CBFA2T2: variants seen among roughly 807,000 people sequenced by gnomAD.
CBFA2T2 encodes protein CBFA2T2.
CBFA2T2 carries 11 observed loss-of-function variants against 62.2 expected under a neutral mutation model. The observed-to-expected ratio is 0.18, with a 90% CI of 0.11 to 0.29. CBFA2T2 has a LOEUF of 0.29. Among genes scored for constraint, CBFA2T2 ranks in the 10% least tolerant of loss-of-function variants. The pLI is 1.00. For synonymous variants in CBFA2T2, 295 were observed against 287.5 expected (o/e 1.03, Z -0.27); for missense variants, 592 against 774.1 (o/e 0.76, Z 2.79).
chr20:33,623,790 A>C (rs1443999318), intron 5 of CBFA2T2: 1 of 713,984 alleles, frequency 1.4e-6, no homozygotes, highest in African/African-American at 1.8e-5. Flanking sequence ...ATACATCTAA[A>C]ATCTATGGGA....
At chr20:33,500,120 G>C (rs931812079) in intron 1 of CBFA2T2, among the ~76,000 whole-genome samples, 1 of 151,820 alleles carries the variant, frequency 6.6e-6, no homozygotes, top group African/African-American at 2.4e-5. Flanking sequence ...ACCACACCCG[G>C]CTAATTTTTG....
intron 1 of CBFA2T2, among the ~76,000 whole-genome samples, chr20:33,605,450 C>CA (rs1005799324): frequency 6.6e-6 from 1 of 152,168 alleles, no homozygotes; most frequent in African/African-American, 2.4e-5. Flanking sequence ...GTATTATTAA[C>CA]TAAGTATGTA....
At chr20:33,641,585 T>C (rs2016840138) in intron 10 of CBFA2T2, among the ~76,000 whole-genome samples, 1 of 152,214 alleles carries the variant, frequency 6.6e-6, no homozygotes, top group South Asian at 2.1e-4. Flanking sequence ...ACCGGCTGTC[T>C]TTGGGACATT....
chr20:33,505,110 C>T (rs1197659734), intron 1 of CBFA2T2, among the ~76,000 whole-genome samples: 6 of 152,160 alleles, frequency 3.9e-5, no homozygotes, highest in Admixed American at 6.5e-5. Context: ...GAGATTGGTT[C>T]GGGTAATCAG....
At chr20:33,570,780 A>G (rs2013530981) in intron 1 of CBFA2T2, among the ~76,000 whole-genome samples, 1 of 152,064 alleles carries the variant, frequency 6.6e-6, no homozygotes, top group African/African-American at 2.4e-5. Flanking sequence ...TGTGAGACTC[A>G]TTTTCTTTTC....
chr20:33,623,974 G>T (rs1233582854), intron 5 of CBFA2T2: 23 of 558,260 alleles, frequency 4.1e-5, no homozygotes, highest in Non-Finnish European at 6.8e-5. Flanking sequence ...AAAAAGAAAA[G>T]AAAAGAAAAA....
intron 1 of CBFA2T2, among the ~76,000 whole-genome samples, chr20:33,588,629 A>G (rs190875323): frequency 6.6e-5 from 10 of 152,312 alleles, no homozygotes; most frequent in African/African-American, 1.9e-4. Context: ...TGATCACACA[A>G]TGGCAAGGAT....
chr20:33,535,613 TTTATTTTTTC>T (rs1399944800), intron 1 of CBFA2T2, among the ~76,000 whole-genome samples: 144 of 146,878 alleles, frequency 9.8e-4, no homozygotes, highest in African/African-American at 3.3e-3. Flanking sequence ...TTTTTATTTT[TTTATTTTTTC>T]TTTTTTTTTT....
rs564588599 is a variant in CBFA2T2, at chr20:33,494,744, A to G, written c.34+4443A>G. On this transcript the variant is annotated intron_variant, in intron 1 of 10. Transcript: ENST00000342704. The stretch of plus-strand genomic sequence containing the variant: ...CTTCCAAATAGCTGGGATTACAGGC[A>G]TGCACCACCACACCCAGCTAATTTT... 3.6e-4 allele frequency among the ~76,000 whole-genome samples: 55 copies of G among 151,826 alleles called. No individual in the cohort carries two copies. The South Asian group carries it at 4.2e-3, about 12-fold the overall frequency.
intron 1 of CBFA2T2, among the ~76,000 whole-genome samples, chr20:33,516,457 GA>G (rs1217293089): frequency 6.6e-6 from 1 of 152,172 alleles, no homozygotes; most frequent in Non-Finnish European, 1.5e-5. Context: ...GCAACAGAGT[GA>G]GACTCCATCT....
chr20:33,545,998 GT>G (rs952893198), intron 1 of CBFA2T2, among the ~76,000 whole-genome samples: 9 of 152,342 alleles, frequency 5.9e-5, no homozygotes, highest in Non-Finnish European at 1.0e-4. Context: ...GTAGTAGGAT[GT>G]TTTGTTAAAT....
chr20:33,613,306 A>G (rs148221040), intron 3 of CBFA2T2, among the ~76,000 whole-genome samples: 139 of 152,342 alleles, frequency 9.1e-4, no homozygotes, highest in East Asian at 4.8e-3. Flanking sequence ...TGGGGTCTCC[A>G]GCATCTCCCC....
At chr20:33,556,710 T>C (rs1369503490) in intron 1 of CBFA2T2, among the ~76,000 whole-genome samples, 4 of 152,124 alleles carry the variant, frequency 2.6e-5, no homozygotes, top group Admixed American at 6.5e-5. Flanking sequence ...GCTGACATTA[T>C]AAGCATGAGC....
chr20:33,588,403 A>G (rs191807200), intron 1 of CBFA2T2, among the ~76,000 whole-genome samples: 9 of 151,452 alleles, frequency 5.9e-5, no homozygotes, highest in Non-Finnish European at 1.2e-4. Context: ...TGAATAATGA[A>G]CAAATATATA....
intron 1 of CBFA2T2, among the ~76,000 whole-genome samples, chr20:33,603,868 G>T (rs759913369): frequency 1.3e-5 from 2 of 152,186 alleles, no homozygotes; most frequent in East Asian, 1.9e-4. Flanking sequence ...ATAAAGGCAT[G>T]TCATAGCCTT....
chr20:33,631,175 G>A (rs563064630), intron 8 of CBFA2T2, among the ~76,000 whole-genome samples: 4 of 152,300 alleles, frequency 2.6e-5, no homozygotes, highest in South Asian at 2.1e-4. Flanking sequence ...TTAGCCAGGC[G>A]TGGTGGCGGA....
At chr20:33,524,422 A>C (rs2011825361) in intron 1 of CBFA2T2, among the ~76,000 whole-genome samples, 1 of 152,056 alleles carries the variant, frequency 6.6e-6, no homozygotes, top group Non-Finnish European at 1.5e-5. Flanking sequence ...TGCATACCAG[A>C]TGGGTATGGT....
At chr20:33,536,586 CT>C (rs563473714) in intron 1 of CBFA2T2, among the ~76,000 whole-genome samples, 513 of 149,446 alleles carry the variant, frequency 3.4e-3, no homozygotes, top group Middle Eastern at 7.4e-3. Context: ...GACGGGGCGG[CT>C]GCCGGGCGGA....
At position 33,518,720 on chromosome 20, in the gene CBFA2T2, T is replaced by G. The variant is rs369144020; in HGVS notation, c.34+28419T>G. On this transcript the variant is annotated intron_variant, in intron 1 of 10. Transcript: ENST00000342704. The stretch of plus-strand genomic sequence containing the variant: ...CCGAGTGGCAGAGGTTGCGGTGAGC[T>G]GATAACACGCCATTGCAGTCCAGCC... Among the ~76,000 whole-genome samples, 19 of 150,646 alleles carry G rather than the reference T, an allele frequency of 1.3e-4. 1 individual carries two copies. The East Asian group carries it at 1.6e-3, about 12-fold the overall frequency.
Sources: allele counts gnomAD v4.1 joint callset (sites outside exome capture counted in the v4.1 genomes callset), GRCh38; gene constraint gnomAD v4.1.1; transcripts MANE v1.5; gene names NCBI Gene and HGNC (gene_info 2026-07-23, HGNC 2026-07-21).